Variants in PATL1 observed in about 807,000 individuals in gnomAD.
The protein encoded by PATL1 is PAT1 homolog 1, processing body mRNA decay factor.
A neutral mutation model predicts 100.6 loss-of-function variants in PATL1; 32 were observed. That is an observed-to-expected ratio of 0.32 (90% CI 0.24 to 0.43). PATL1 has a LOEUF of 0.43. PATL1 is among the 20% of genes least tolerant of loss of function. The probability of loss-of-function intolerance (pLI) is 1.00; values close to 1 mark genes in which losing one functional copy is unlikely to be tolerated. For missense variants in PATL1, 747 were observed against 949.9 expected, an observed-to-expected ratio of 0.79 and a Z score of 2.81; for synonymous variants, 332 against 330.0, an observed-to-expected ratio of 1.01 and a Z score of -0.07.
At chr11:59,645,195 C>T (rs1284540885) in intron 15 of PATL1, among the ~76,000 whole-genome samples, 6 of 121,698 alleles carry the variant, frequency 4.9e-5, no homozygotes, top group Admixed American at 8.9e-5. Context: ...TACACAGACA[C>T]GGCAACCATC....
intron 15 of PATL1, among the ~76,000 whole-genome samples, chr11:59,644,323 T>C (rs76897148): frequency 0.047 from 7,069 of 152,016 alleles, 362 homozygotes; most frequent in Admixed American, 0.13. Flanking sequence ...CAATAATTTT[T>C]CTTCATAGAC....
chr11:59,660,256 T>C (rs1243350228), intron 2 of PATL1, among the ~76,000 whole-genome samples: 1 of 152,250 alleles, frequency 6.6e-6, no homozygotes, highest in Non-Finnish European at 1.5e-5. Flanking sequence ...GCATCTATTA[T>C]GTGACAAGCC....
intron 6 of PATL1, 44 bp downstream of exon 6, chr11:59,656,455 G>A (rs767386234): frequency 5.2e-5 from 78 of 1,510,052 alleles, no homozygotes; most frequent in Non-Finnish European, 6.8e-5. Context: ...ATAGTGATCA[G>A]AAAATACATA....
chr11:59,658,812 A>C (rs1861582316), intron 4 of PATL1, 54 bp downstream of exon 4: 10 of 1,371,348 alleles, frequency 7.3e-6, no homozygotes, highest in Non-Finnish European at 1.0e-5. Context: ...TGACGACAGG[A>C]ACTTAAAATT....
rs1861210180 is a variant in PATL1, at chr11:59,637,579, C to T, written c.*811G>A. On this transcript the variant is annotated 3_prime_UTR_variant, in exon 19 of 19. Transcript: ENST00000300146. ...ACTTGAGGGGAAAGGCTCAAGTACC[C>T]TGTAGTTGTAGCAGGAAAAAGACAT... The T allele has an allele frequency of 6.6e-6, 1 of 152,608 alleles. No individual in the cohort carries two copies. The highest frequency in any genetic ancestry group is 1.5e-5 in the Non-Finnish European group (1 of 68,050). 9.5% of individuals were successfully genotyped at this position (152,608 alleles called of 1,614,324 possible).
At chr11:59,665,795 A>G (rs1441819478) in intron 2 of PATL1, among the ~76,000 whole-genome samples, 1 of 151,678 alleles carries the variant, frequency 6.6e-6, no homozygotes, top group Non-Finnish European at 1.5e-5. Context: ...CAAAACAAAT[A>G]TATGTGTATG....
At chr11:59,662,317 T>C (rs2134760328) in intron 2 of PATL1, among the ~76,000 whole-genome samples, 1 of 152,310 alleles carries the variant, frequency 6.6e-6, no homozygotes, top group Non-Finnish European at 1.5e-5. Context: ...TTTATAATTA[T>C]GTGGTATTTT....
In PATL1 at chr11:59,654,053, T is replaced by C; in HGVS notation, c.1051A>G (p.Arg351Gly). ...GGATGGAGGTGAGTTGTGTCCGGTC[T>C]AAACATTGGGGCCTGAGATCTAAGA... ...QNLRSQAPMFRPDTTHLHPQH... is the reference protein window; with the variant it reads ...QNLRSQAPMFGPDTTHLHPQH... Residue 351 changes from arginine to glycine, a missense_variant, in exon 9 of 19, where the codon AGA becomes GGA. By Grantham distance (125) the Arg-to-Gly change is moderately radical. Around this residue, in one of 4 missense-constraint regions of PATL1, gnomAD observed 434 missense variants for 596.1 expected, o/e 0.73. Coordinates refer to ENST00000300146, the MANE Select transcript of PATL1 (RefSeq NM_152716.3). 1 of 1,613,830 alleles carries C rather than the reference T, an allele frequency of 6.2e-7. No individual in the cohort carries two copies. The highest frequency in any genetic ancestry group is 1.3e-5 in the African/African-American group (1 of 75,062).
At position 59,638,421 on chromosome 11, in the gene PATL1, C is replaced by T. The variant is rs371488247; in HGVS notation, c.2292-10G>A. On this transcript the variant is annotated splice_polypyrimidine_tract_variant and intron_variant, in intron 18 of 18. Coordinates refer to ENST00000300146, the MANE Select transcript of PATL1 (RefSeq NM_152716.3). Reference sequence around the variant, plus strand: ...TATCCCCTGAACTAGCCTAGGAGTACAAAGGAGAGAAAGGAAAATTGTATA... The same window carrying T: ...TATCCCCTGAACTAGCCTAGGAGTATAAAGGAGAGAAAGGAAAATTGTATA... 6.2e-7 allele frequency: 1 copy of T among 1,609,934 alleles called. No homozygotes were observed. Among genetic ancestry groups the T allele is most frequent in the African/African-American group, 1.3e-5 (1 of 74,872 alleles).
intron 8 of PATL1, 116 bp from the exon 9 acceptor site, chr11:59,654,188 C>A: frequency 1.1e-6 from 1 of 910,126 alleles, no homozygotes; most frequent in Admixed American, 2.0e-5. Context: ...CTACAAAAGT[C>A]TATTCGGGAT....
At chr11:59,646,214 T>C (rs762975626) in intron 15 of PATL1, among the ~76,000 whole-genome samples, 5 of 152,206 alleles carry the variant, frequency 3.3e-5, no homozygotes, top group Non-Finnish European at 5.9e-5. Flanking sequence ...TAGTCTGGTC[T>C]TCTATTTTCT....
chr11:59,638,299 A>G lies in PATL1; in HGVS notation c.*91T>C. 4 of 1,342,280 alleles carry G rather than the reference A, an allele frequency of 3.0e-6. No individual in the cohort carries two copies. The highest frequency in any genetic ancestry group is 1.2e-5 in the South Asian group (1 of 81,358). The allele number at this position is 1,342,280 out of a possible 1,614,324, so 83.1% of individuals were successfully genotyped here. A position where few individuals can be genotyped will look rare whatever the true frequency, so the allele number is the denominator to read the frequency against. On this transcript the variant is annotated 3_prime_UTR_variant, in exon 19 of 19. Transcript: ENST00000300146. Reference sequence around the variant, plus strand: ...AAGACTTTGCTTTGGGGAAAAAGCTACCTTCCTTCCCTCATTAAAAACACT... The same window carrying G: ...AAGACTTTGCTTTGGGGAAAAAGCTGCCTTCCTTCCCTCATTAAAAACACT...
chr11:59,668,077 TC>T (rs1278652903), intron 1 of PATL1, among the ~76,000 whole-genome samples: 1 of 152,236 alleles, frequency 6.6e-6, no homozygotes, highest in African/African-American at 2.4e-5. Flanking sequence ...AGAGGCAACT[TC>T]CAGCAGTACT....
rs573960602 is a variant in PATL1, at chr11:59,665,581, T to G, written c.127+1272A>C. Among the ~76,000 whole-genome samples, 1,367 of 151,596 alleles carry G rather than the reference T, an allele frequency of 9.0e-3. 19 individuals are homozygous for G. Among genetic ancestry groups the G allele is most frequent in the African/African-American group, 0.031 (1,265 of 41,348 alleles). ...TTTGGGAGGCTGAGGAGGGATCACTTGAGGTCAGGAGTTCATGACCACCCT... is the reference window on the plus strand; with the variant it reads ...TTTGGGAGGCTGAGGAGGGATCACTGGAGGTCAGGAGTTCATGACCACCCT... On this transcript the variant is annotated intron_variant, in intron 2 of 18. Transcript: ENST00000300146.
At chr11:59,639,466 T>A in intron 16 of PATL1, 83 bp from the exon 17 acceptor site, 2 of 1,036,384 alleles carry the variant, frequency 1.9e-6, no homozygotes, top group Non-Finnish European at 2.9e-6. Context: ...TGGCATCAGA[T>A]GGGGAACAGC....
intron 2 of PATL1, among the ~76,000 whole-genome samples, chr11:59,660,672 G>A (rs1053223393): frequency 6.6e-6 from 1 of 152,110 alleles, no homozygotes; most frequent in African/African-American, 2.4e-5. Flanking sequence ...AAGAAAATGA[G>A]GTCAAGAAGT....
intron 1 of PATL1, among the ~76,000 whole-genome samples, chr11:59,668,173 T>C (rs991896785): frequency 3.9e-5 from 6 of 152,248 alleles, no homozygotes; most frequent in African/African-American, 1.4e-4. Context: ...ATCAGTTCTT[T>C]CATGCTACAA....
intron 1 of PATL1, 59 bp downstream of exon 1, chr11:59,668,822 G>C: frequency 1.0e-6 from 1 of 959,698 alleles, no homozygotes; most frequent in Non-Finnish European, 1.6e-6. Context: ...CGCGGAGAGA[G>C]AGTGAGGGAG....
In PATL1 at chr11:59,658,878, T is replaced by C. The variant is rs1024115224; in HGVS notation, c.414A>G (p.Pro138=). ...AAATATTTAATACCTGAGCAAGCAG[T>C]GGTCCTCGGATTCGCCTCAGAACTT... The part of the protein sequence containing the change: ...GSEVLRRIRG[P]LLAQEMPTVS... Residue 138 remains proline, a synonymous_variant, in exon 4 of 19, where the codon CCA becomes CCG. Coordinates refer to ENST00000300146, the MANE Select transcript of PATL1 (RefSeq NM_152716.3). 16 of 1,548,708 alleles carry C rather than the reference T, an allele frequency of 1.0e-5. No homozygotes were observed. The African/African-American group carries it at 1.9e-4, about 19-fold the overall frequency.
Sources: gnomAD v4.1 joint callset for allele counts (sites outside exome capture counted in the v4.1 genomes callset) on GRCh38, gnomAD v4.1.1 for gene constraint, gnomAD v4.1.1 regional missense constraint, MANE v1.5 for transcripts, NCBI Gene and HGNC (gene_info 2026-07-23, HGNC 2026-07-21) for gene names.